TAFA4: variants seen among roughly 807,000 people sequenced by gnomAD.
TAFA4 encodes the protein chemokine-like protein TAFA-4.
Under a neutral mutation model 21.1 loss-of-function variants are expected in TAFA4, and 20 were observed. The ratio of observed to expected loss-of-function variants is 0.95; its 90% CI spans 0.67 to 1.38. TAFA4 has a LOEUF of 1.38. Among genes scored for constraint, TAFA4 ranks in the 40% most tolerant of loss-of-function variants. The pLI is 0.00. For missense variants in TAFA4, 211 were observed against 180.9 expected (o/e 1.17, Z -0.95); for synonymous variants, 71 against 67.4 (o/e 1.05, Z -0.26).
intron 3 of TAFA4, among the ~76,000 whole-genome samples, chr3:68,844,207 T>C (rs1410096107): frequency 6.6e-6 from 1 of 152,190 alleles, no homozygotes; most frequent in Non-Finnish European, 1.5e-5. Context: ...TTGTTATTGG[T>C]CTATTCAGGG....
chr3:68,836,863 A>G lies in TAFA4; in HGVS notation c.130+43867T>C, dbSNP rs570508027. Among the ~76,000 whole-genome samples, 94 of 152,304 alleles carry G rather than the reference A, an allele frequency of 6.2e-4. 1 individual carries two copies. Among genetic ancestry groups the G allele is most frequent in the African/African-American group, 2.2e-3 (93 of 41,570 alleles). Reference sequence around the variant, plus strand: ...TGCTCCCAGATCTTTAGTTTTGTGTATTCTCCTAGGATTTGAATGAATGAA... The same window carrying G: ...TGCTCCCAGATCTTTAGTTTTGTGTGTTCTCCTAGGATTTGAATGAATGAA... On this transcript the variant is annotated intron_variant, in intron 3 of 5. Transcript: ENST00000295569.
chr3:68,772,170 G>T (rs574746181), intron 3 of TAFA4, among the ~76,000 whole-genome samples: 1 of 152,120 alleles, frequency 6.6e-6, no homozygotes. Flanking sequence ...TTCAATCCAC[G>T]TTCAACGAAG....
intron 3 of TAFA4, among the ~76,000 whole-genome samples, chr3:68,813,169 C>G (rs1319645546): frequency 6.6e-6 from 1 of 151,846 alleles, no homozygotes; most frequent in East Asian, 1.9e-4. Flanking sequence ...GGGACACATT[C>G]AAAGCAGTGT....
chr3:68,758,346 C>T (rs968988889), intron 3 of TAFA4, among the ~76,000 whole-genome samples: 4 of 152,192 alleles, frequency 2.6e-5, no homozygotes, highest in East Asian at 1.9e-4. Flanking sequence ...ACGATTCCCA[C>T]GTGTCATGGG....
At chr3:68,777,864 C>T (rs1048492179) in intron 3 of TAFA4, among the ~76,000 whole-genome samples, 2 of 152,120 alleles carry the variant, frequency 1.3e-5, no homozygotes, top group Non-Finnish European at 2.9e-5. Flanking sequence ...AACATGCTGT[C>T]CAGGTTTGTA....
At chr3:68,854,328 C>T (rs959549149) in intron 3 of TAFA4, among the ~76,000 whole-genome samples, 12 of 152,032 alleles carry the variant, frequency 7.9e-5, no homozygotes, top group Non-Finnish European at 1.6e-4. Context: ...AGAGCCAGGA[C>T]TCAGGCTGCA....
intron 1 of TAFA4, among the ~76,000 whole-genome samples, chr3:68,900,540 ACT>A (rs1444496725): frequency 6.6e-6 from 1 of 151,726 alleles, no homozygotes; most frequent in African/African-American, 2.4e-5. Flanking sequence ...TCAGAGAAGC[ACT>A]CTCTACTCAC....
chr3:68,803,328 C>T (rs1159478799), intron 3 of TAFA4, among the ~76,000 whole-genome samples: 1 of 152,190 alleles, frequency 6.6e-6, no homozygotes, highest in Non-Finnish European at 1.5e-5. Context: ...GTTCCACTTG[C>T]TCCTTCAAAT....
At chr3:68,836,744 C>G (rs1259597168) in intron 3 of TAFA4, among the ~76,000 whole-genome samples, 1 of 150,174 alleles carries the variant, frequency 6.7e-6, no homozygotes, top group African/African-American at 2.5e-5. Flanking sequence ...AATTTGGAAC[C>G]CACTTTGTAT....
At chr3:68,754,836 C>CT (rs1160340981) in intron 3 of TAFA4, among the ~76,000 whole-genome samples, 3 of 152,084 alleles carry the variant, frequency 2.0e-5, no homozygotes, top group African/African-American at 7.2e-5. Flanking sequence ...GGAGGAGACC[C>CT]TTCAAATTGT....
chr3:68,864,323 C>T (rs2089389091), intron 3 of TAFA4, among the ~76,000 whole-genome samples: 1 of 152,062 alleles, frequency 6.6e-6, no homozygotes, highest in African/African-American at 2.4e-5. Context: ...AGAAGATAGA[C>T]AGGTGACAAG....
chr3:68,858,786 C>A (rs986816874), intron 3 of TAFA4, among the ~76,000 whole-genome samples: 1 of 151,966 alleles, frequency 6.6e-6, no homozygotes, highest in African/African-American at 2.4e-5. Context: ...CTATTTTGAC[C>A]CTAGAGCCCA....
chr3:68,814,439 T>G (rs537716186), intron 3 of TAFA4, among the ~76,000 whole-genome samples: 1 of 152,262 alleles, frequency 6.6e-6, no homozygotes, highest in South Asian at 2.1e-4. Flanking sequence ...GCCCAAAATC[T>G]CCTTAAGCTG....
intron 3 of TAFA4, among the ~76,000 whole-genome samples, chr3:68,789,785 A>C (rs11920862): frequency 0.087 from 13,222 of 152,250 alleles, 706 homozygotes; most frequent in African/African-American, 0.14. Context: ...GGATGAATTA[A>C]CTTTGTTTCT....
chr3:68,738,976 A>G, intron 5 of TAFA4, 99 bp downstream of exon 5: 1 of 1,522,692 alleles, frequency 6.6e-7, no homozygotes. Flanking sequence ...AGGTTTATTA[A>G]CACATAATAA....
chr3:68,759,887 G>C (rs1009357041), intron 3 of TAFA4, among the ~76,000 whole-genome samples: 1 of 152,066 alleles, frequency 6.6e-6, no homozygotes, highest in Non-Finnish European at 1.5e-5. Context: ...TGGGCAGATG[G>C]GGGGTAGATG....
chr3:68,778,365 G>T (rs1431157540), intron 3 of TAFA4, among the ~76,000 whole-genome samples: 1 of 152,176 alleles, frequency 6.6e-6, no homozygotes, highest in Non-Finnish European at 1.5e-5. Context: ...AATCCTAAAT[G>T]GGAATGTATC....
chr3:68,823,563 A>G (rs1208566261), intron 3 of TAFA4, among the ~76,000 whole-genome samples: 1 of 152,180 alleles, frequency 6.6e-6, no homozygotes, highest in Admixed American at 6.5e-5. Context: ...TATTAAGCCC[A>G]GTATACATTA....
At chr3:68,867,381 G>A (rs533438620) in intron 3 of TAFA4, among the ~76,000 whole-genome samples, 1 of 152,148 alleles carries the variant, frequency 6.6e-6, no homozygotes, top group South Asian at 2.1e-4. Context: ...CAGACAACAA[G>A]AGCTGGGGGA....
Sources: gnomAD v4.1 joint callset for allele counts (sites outside exome capture counted in the v4.1 genomes callset) on GRCh38, gnomAD v4.1.1 for gene constraint, MANE v1.5 for transcripts, NCBI Gene and HGNC (gene_info 2026-07-23, HGNC 2026-07-21) for gene names.